Variants in GPC6 observed in about 807,000 individuals in gnomAD.
The protein encoded by GPC6 is glypican-6.
A neutral mutation model predicts 55.2 loss-of-function variants in GPC6; 14 were observed. The observed-to-expected ratio is 0.25, with a 90% CI of 0.17 to 0.40. The LOEUF is 0.40. GPC6 is among the 10% of genes least tolerant of loss of function. The pLI is 1.00. For missense variants in GPC6, 641 were observed against 708.5 expected (o/e 0.90, Z 1.08); for synonymous variants, 278 against 259.6 (o/e 1.07, Z -0.68).
intron 6 of GPC6, among the ~76,000 whole-genome samples, chr13:94,331,517 T>A (rs1877415220): frequency 6.6e-6 from 1 of 151,958 alleles, no homozygotes; most frequent in Non-Finnish European, 1.5e-5. Context: ...TTACATGGAG[T>A]CAGGCAGAGG....
chr13:93,546,366 G>A (rs1874788440), intron 2 of GPC6, among the ~76,000 whole-genome samples: 1 of 152,182 alleles, frequency 6.6e-6, no homozygotes, highest in Non-Finnish European at 1.5e-5. Flanking sequence ...TTTCTGTGTA[G>A]TAGGTAAAAT....
At chr13:94,384,482 A>G (rs1262202229) in intron 7 of GPC6, among the ~76,000 whole-genome samples, 1 of 152,230 alleles carries the variant, frequency 6.6e-6, no homozygotes, top group African/African-American at 2.4e-5. Context: ...TTGAACTGCT[A>G]TTCCCACAGA....
rs372500006 is a variant in GPC6 at position 94,341,189 on chromosome 13, G to GA, written c.1152+35072dup. 2.7e-3 allele frequency among the ~76,000 whole-genome samples: 408 copies of GA among 152,298 alleles called. 2 individuals carry two copies. The highest frequency in any genetic ancestry group is 8.9e-3 in the African/African-American group (368 of 41,558). On this transcript the variant is annotated intron_variant, in intron 6 of 8. Coordinates refer to ENST00000377047, the MANE Select transcript of GPC6 (RefSeq NM_005708.5). ...CTGTAATTAACTTCATTGGGCAGATGAAAAAATCCTATTTGAAATCTCCTT... is the reference window on the plus strand; with the variant it reads ...CTGTAATTAACTTCATTGGGCAGATGAAAAAAATCCTATTTGAAATCTCCTT...
At chr13:93,400,224 G>A (rs929504691) in intron 1 of GPC6, among the ~76,000 whole-genome samples, 3 of 151,476 alleles carry the variant, frequency 2.0e-5, no homozygotes, top group Non-Finnish European at 4.4e-5. Flanking sequence ...CCTTTTTACC[G>A]TCTTCCTTTC....
rs144613697 is a variant in GPC6 at position 93,807,023 on chromosome 13, T to C, written c.320-23131T>C. Among the ~76,000 whole-genome samples the C allele has an allele frequency of 1.2e-3, 187 of 152,302 alleles. 3 individuals are homozygous for C. The highest frequency in any genetic ancestry group is 4.3e-3 in the African/African-American group (180 of 41,572). ...GCTTATTGTTTTGTAAATGAGTGTATAATAATATCTTTGCAGCTCAAATGA... is the reference window on the plus strand; with the variant it reads ...GCTTATTGTTTTGTAAATGAGTGTACAATAATATCTTTGCAGCTCAAATGA... On this transcript the variant is annotated intron_variant, in intron 2 of 8. Transcript: ENST00000377047.
chr13:94,142,484 A>G (rs1385470548), intron 4 of GPC6, among the ~76,000 whole-genome samples: 2 of 152,224 alleles, frequency 1.3e-5, no homozygotes, highest in African/African-American at 4.8e-5. Context: ...CTCACAATTC[A>G]GTTAACACCA....
chr13:93,693,427 A>G (rs1882328332), intron 2 of GPC6, among the ~76,000 whole-genome samples: 1 of 127,692 alleles, frequency 7.8e-6, no homozygotes, highest in African/African-American at 3.3e-5. Flanking sequence ...TCATATATAT[A>G]TATGGAGATA....
chr13:93,441,330 A>AT (rs1349198282), intron 1 of GPC6, among the ~76,000 whole-genome samples: 1 of 151,110 alleles, frequency 6.6e-6, no homozygotes, highest in African/African-American at 2.5e-5. Context: ...AAGTGTTCCT[A>AT]TTTTTCCACA....
intron 1 of GPC6, among the ~76,000 whole-genome samples, chr13:93,444,527 A>C (rs544959498): frequency 6.6e-6 from 1 of 152,282 alleles, no homozygotes; most frequent in Non-Finnish European, 1.5e-5. Flanking sequence ...GAATCGCTTG[A>C]ACCTGGGAAG....
chr13:94,317,665 G>GTT lies in GPC6; in HGVS notation c.1152+11549_1152+11550dup, dbSNP rs911733937. ...GGATCCTCATGCTCTCTTTTGTCAAGTTTTTTTTGACAAAATGAATAAAAT... is the reference window on the plus strand; with the variant it reads ...GGATCCTCATGCTCTCTTTTGTCAAGTTTTTTTTTTGACAAAATGAATAAAAT... On this transcript the variant is annotated intron_variant, in intron 6 of 8. Coordinates refer to ENST00000377047, the MANE Select transcript of GPC6 (RefSeq NM_005708.5). Among the ~76,000 whole-genome samples the GTT allele has an allele frequency of 2.6e-5, 4 of 152,016 alleles. No individual in the cohort carries two copies. In the East Asian group the frequency reaches 7.7e-4, roughly 29 times the overall value.
intron 3 of GPC6, among the ~76,000 whole-genome samples, chr13:93,902,229 C>T (rs908056626): frequency 6.6e-6 from 1 of 152,108 alleles, no homozygotes; most frequent in Admixed American, 6.6e-5. Context: ...CCCCTCTCCC[C>T]TCCTCAGCCT....
chr13:94,192,281 A>G (rs1889420513), intron 4 of GPC6, among the ~76,000 whole-genome samples: 1 of 152,244 alleles, frequency 6.6e-6, no homozygotes, highest in South Asian at 2.1e-4. Context: ...TATAAAGTAT[A>G]GAAAGATTTT....
At chr13:93,988,039 A>C (rs1479244561) in intron 3 of GPC6, among the ~76,000 whole-genome samples, 2 of 151,344 alleles carry the variant, frequency 1.3e-5, no homozygotes, top group Non-Finnish European at 2.9e-5. Context: ...ATCTGCATCT[A>C]CTCCTTCTTC....
At chr13:93,974,203 C>T (rs1240906553) in intron 3 of GPC6, among the ~76,000 whole-genome samples, 2 of 152,186 alleles carry the variant, frequency 1.3e-5, no homozygotes, top group Admixed American at 1.3e-4. Flanking sequence ...AAGTGTTACA[C>T]AGGCAGCATG....
At chr13:93,335,964 C>T (rs1405231038) in intron 1 of GPC6, among the ~76,000 whole-genome samples, 2 of 152,168 alleles carry the variant, frequency 1.3e-5, no homozygotes, top group African/African-American at 4.8e-5. Context: ...CAGTGCCTTG[C>T]ACTTAATGTG....
chr13:93,731,136 C>T (rs1883805867), intron 2 of GPC6, among the ~76,000 whole-genome samples: 2 of 152,106 alleles, frequency 1.3e-5, no homozygotes, highest in Admixed American at 6.6e-5. Context: ...TGTAGGGGTG[C>T]TCATTCCCTG....
At chr13:93,426,139 C>G (rs1877117588) in intron 1 of GPC6, among the ~76,000 whole-genome samples, 1 of 152,090 alleles carries the variant, frequency 6.6e-6, no homozygotes, top group Non-Finnish European at 1.5e-5. Flanking sequence ...AGTAACATTA[C>G]TAGTAGTGAT....
intron 1 of GPC6, among the ~76,000 whole-genome samples, chr13:93,316,783 C>T (rs1398581756): frequency 1.3e-5 from 2 of 151,924 alleles, no homozygotes; most frequent in East Asian, 3.9e-4. Context: ...CCAGACTCAA[C>T]AAATCAAAAT....
intron 3 of GPC6, among the ~76,000 whole-genome samples, chr13:93,839,314 A>G (rs57833812): frequency 0.018 from 2,788 of 152,158 alleles, 84 homozygotes; most frequent in African/African-American, 0.064. Flanking sequence ...TACACACCAA[A>G]ATTGAAAGTT....
Sources: gnomAD v4.1 joint callset for allele counts (sites outside exome capture counted in the v4.1 genomes callset) on GRCh38, gnomAD v4.1.1 for gene constraint, MANE v1.5 for transcripts, NCBI Gene and HGNC (gene_info 2026-07-23, HGNC 2026-07-21) for gene names.